Variants in STN1 observed in about 807,000 individuals in gnomAD.
STN1 encodes the protein STN1 subunit of CST complex.
Under a neutral mutation model 45.5 loss-of-function variants are expected in STN1, and 29 were observed. The ratio of observed to expected loss-of-function variants is 0.64; its 90% CI spans 0.47 to 0.87. The LOEUF is 0.87. STN1 is among the 40% of genes least tolerant of loss of function. The probability of loss-of-function intolerance (pLI) is 0.00; values close to 1 mark genes in which losing one functional copy is unlikely to be tolerated. For synonymous variants in STN1, 148 were observed against 159.0 expected (o/e 0.93, Z 0.52); for missense variants, 376 against 441.4 (o/e 0.85, Z 1.33).
At chr10:103,898,483 T>C (rs770980610) in intron 6 of STN1, 1 of 160,736 alleles carries the variant, frequency 6.2e-6, no homozygotes, top group African/African-American at 2.4e-5. Context: ...GATTATGAGG[T>C]GACTTGGTGC....
Position 103,882,177 on chromosome 10 carries a change from G to GCAAGTGA in STN1, c.*506_*507insTCACTTG, listed in dbSNP as rs6491. Among the ~76,000 whole-genome samples, 67,111 of 151,586 alleles carry GCAAGTGA rather than the reference G, an allele frequency of 0.44. 15,486 individuals are homozygous for GCAAGTGA. The highest frequency in any genetic ancestry group is 0.49 in the Admixed American group (7,535 of 15,224). On this transcript the variant is annotated 3_prime_UTR_variant, in exon 10 of 10. Transcript: ENST00000224950. ...GGTAACTGAGCCACAGAAACTGTAAGCACTCATCCAGGGAGAACTACTCCC... is the reference window on the plus strand; with the variant it reads ...GGTAACTGAGCCACAGAAACTGTAAGCAAGTGACACTCATCCAGGGAGAACTACTCCC...
chr10:103,890,643 C>T (rs1161728649), intron 8 of STN1, among the ~76,000 whole-genome samples: 2 of 152,222 alleles, frequency 1.3e-5, no homozygotes, highest in Admixed American at 1.3e-4. Flanking sequence ...ACCCGGCCTT[C>T]CCATGCCAGG....
chr10:103,917,708 G>T, intron 1 of STN1, 52 bp from the exon 2 acceptor site: 1 of 1,240,764 alleles, frequency 8.1e-7, no homozygotes, highest in Non-Finnish European at 1.1e-6. Flanking sequence ...GGGTCAAAGT[G>T]GCACGGCCCT....
intron 8 of STN1, among the ~76,000 whole-genome samples, chr10:103,889,934 C>T (rs371263805): frequency 8.6e-5 from 13 of 152,028 alleles, no homozygotes; most frequent in East Asian, 5.8e-4. Context: ...GAATGCCTGA[C>T]CTCAAGTGAT....
intron 4 of STN1, among the ~76,000 whole-genome samples, chr10:103,902,225 T>C (rs1170181702): frequency 2.0e-5 from 3 of 152,208 alleles, no homozygotes; most frequent in African/African-American, 7.2e-5. Flanking sequence ...GCATTACCGC[T>C]GCTCAGAGCT....
intron 1 of STN1, among the ~76,000 whole-genome samples, chr10:103,917,892 C>A (rs1040876342): frequency 2.6e-5 from 4 of 152,204 alleles, no homozygotes; most frequent in Non-Finnish European, 4.4e-5. Context: ...AACTTCGGAA[C>A]GGCTAAACAT....
At chr10:103,908,226 C>T (rs969331003) in intron 3 of STN1, among the ~76,000 whole-genome samples, 2 of 152,140 alleles carry the variant, frequency 1.3e-5, no homozygotes, top group African/African-American at 2.4e-5. Context: ...GGTCTAAGCT[C>T]GAGTTGCTAC....
At chr10:103,883,126 T>C (rs1843081728) in intron 9 of STN1, among the ~76,000 whole-genome samples, 2 of 152,198 alleles carry the variant, frequency 1.3e-5, no homozygotes, top group Admixed American at 6.5e-5. Context: ...ACCTAGTGGA[T>C]TTTTAGTGCT....
In STN1 at chr10:103,892,177, T is replaced by C. The variant is rs1564632181; in HGVS notation, c.829A>G (p.Lys277Glu). ...FKNAIQLLQE[K>E]GLVFQKDDGF... ...TCATCTTTCTGGAAAACAAGTCCTTTTTCCTGCAGCAGTTGTATAGCATTC... is the reference window on the plus strand; with the variant it reads ...TCATCTTTCTGGAAAACAAGTCCTTCTTCCTGCAGCAGTTGTATAGCATTC... The change falls in exon 8 of 10, where the codon AAA becomes GAA. Residue 277 changes from lysine to glutamate, a missense_variant. Lys to Glu is a moderately conservative substitution (Grantham distance 56). Coordinates refer to ENST00000224950, the MANE Select transcript of STN1 (RefSeq NM_024928.5). 1 of 1,612,796 alleles carries C rather than the reference T, an allele frequency of 6.2e-7. No individual in the cohort carries two copies. Among genetic ancestry groups the C allele is most frequent in the Non-Finnish European group, 8.5e-7 (1 of 1,179,602 alleles).
rs1204601973 is a variant in STN1 at position 103,898,975 on chromosome 10, G to A, written c.483C>T (p.Asn161=). 5 of 1,614,100 alleles carry A rather than the reference G, an allele frequency of 3.1e-6. No individual in the cohort carries two copies. In the Admixed American group the frequency reaches 8.3e-5, roughly 27 times the overall value. ...TYYKVDDPVW[N]IQIARMLELP... ...GCTCAAGCATCCTTGCAATTTGAAT[G>A]TTCCACACTGGGTCGTCCACTTTAT... Residue 161 remains asparagine, a synonymous_variant, in exon 6 of 10, where the codon AAC becomes AAT. Transcript: ENST00000224950.
At chr10:103,902,016 G>T (rs2134368282) in intron 4 of STN1, among the ~76,000 whole-genome samples, 1 of 152,246 alleles carries the variant, frequency 6.6e-6, no homozygotes, top group East Asian at 1.9e-4. Context: ...TACACAAGAT[G>T]ATCTACTCTC....
chr10:103,898,815 G>A, intron 6 of STN1, 62 bp downstream of exon 6: 1 of 1,593,824 alleles, frequency 6.3e-7, no homozygotes, highest in Non-Finnish European at 8.6e-7. Context: ...CCAGCATCTG[G>A]GCTCAGCTGC....
intron 8 of STN1, among the ~76,000 whole-genome samples, chr10:103,891,300 T>A (rs1455452894): frequency 6.6e-6 from 1 of 152,216 alleles, no homozygotes; most frequent in Non-Finnish European, 1.5e-5. Flanking sequence ...ACCCTGAGGA[T>A]GTTAAAAAGA....
At chr10:103,908,992 A>G (rs1204689676) in intron 3 of STN1, among the ~76,000 whole-genome samples, 2 of 152,096 alleles carry the variant, frequency 1.3e-5, no homozygotes, top group East Asian at 3.8e-4. Flanking sequence ...AGTAAACAGA[A>G]TGGACCCACA....
rs915385760 is a variant in STN1 at position 103,879,910 on chromosome 10, T to A, written c.*2774A>T. On this transcript the variant is annotated 3_prime_UTR_variant, in exon 10 of 10. Coordinates refer to ENST00000224950, the MANE Select transcript of STN1 (RefSeq NM_024928.5). The stretch of plus-strand genomic sequence containing the variant: ...GCAACTGGATGGAGCTACCTCTTCC[T>A]GAATCAGGGACATTTTCCAAAGGAG... The A allele has an allele frequency of 6.6e-6, 1 of 152,312 alleles. No homozygotes were observed. The highest frequency in any genetic ancestry group is 1.5e-5 in the Non-Finnish European group (1 of 68,100). The allele number at this position is 152,312 out of a possible 1,614,324, so 9.4% of individuals were successfully genotyped here. A position where few individuals can be genotyped will look rare whatever the true frequency, so the allele number is the denominator to read the frequency against.
intron 7 of STN1, among the ~76,000 whole-genome samples, chr10:103,896,670 G>T (rs1413136228): frequency 6.6e-6 from 1 of 151,548 alleles, no homozygotes; most frequent in Admixed American, 6.6e-5. Context: ...GACAGTCAGG[G>T]GTCAGGGTCA....
chr10:103,884,889 C>T (rs1346420659), intron 9 of STN1, among the ~76,000 whole-genome samples: 2 of 152,168 alleles, frequency 1.3e-5, no homozygotes, highest in Non-Finnish European at 2.9e-5. Flanking sequence ...CTCATTACTC[C>T]TTCCAACTGG....
chr10:103,901,588 TG>T (rs2134368046), intron 4 of STN1, among the ~76,000 whole-genome samples: 2 of 152,340 alleles, frequency 1.3e-5, no homozygotes, highest in African/African-American at 4.8e-5. Context: ...AATTATGAAA[TG>T]GATATAACAG....
chr10:103,906,596 G>C (rs1050138054), intron 3 of STN1, among the ~76,000 whole-genome samples: 2 of 152,150 alleles, frequency 1.3e-5, no homozygotes, highest in Admixed American at 6.5e-5. Context: ...AGGAGTTCAA[G>C]GCTGCAGTGA....
Sources: allele counts gnomAD v4.1 joint callset (sites outside exome capture counted in the v4.1 genomes callset), GRCh38; gene constraint gnomAD v4.1.1; transcripts MANE v1.5; gene names NCBI Gene and HGNC (gene_info 2026-07-23, HGNC 2026-07-21).